Variants in TMEM43 observed in about 807,000 individuals in gnomAD.
TMEM43 encodes the protein transmembrane protein 43.
Under a neutral mutation model 49.6 loss-of-function variants are expected in TMEM43, and 45 were observed. The observed-to-expected ratio is 0.91, with a 90% CI of 0.71 to 1.16. TMEM43 has a LOEUF of 1.16. TMEM43 is among the 50% of genes most tolerant of loss of function. TMEM43 has a pLI of 0.00. For missense variants in TMEM43, 532 were observed against 516.6 expected (o/e 1.03, Z -0.29); for synonymous variants, 199 against 207.8 (o/e 0.96, Z 0.36).
chr3:14,133,134 C>T (rs1379383040), intron 6 of TMEM43, among the ~76,000 whole-genome samples, 199 bp downstream of exon 6: 3 of 152,190 alleles, frequency 2.0e-5, no homozygotes, highest in South Asian at 2.1e-4. Flanking sequence ...ACAAGCTCCC[C>T]GCAAACAAGT....
intron 10 of TMEM43, 111 bp from the exon 11 acceptor site, chr3:14,139,069 C>G (rs1216688115): frequency 2.4e-6 from 2 of 821,706 alleles, no homozygotes; most frequent in Non-Finnish European, 4.3e-6. Flanking sequence ...CTGGCCTGTT[C>G]AGAAATGGCC....
chr3:14,136,632 C>T lies in TMEM43; in HGVS notation c.882+724C>T, dbSNP rs548843409. On this transcript the variant is annotated intron_variant, in intron 10 of 11. Coordinates refer to ENST00000306077, the MANE Select transcript of TMEM43 (RefSeq NM_024334.3). ...TCCAGCAAGAACAGCCCAGTCTGGGCACGAAAGGGTTCACCTTCTAAGGGG... is the reference window on the plus strand; with the variant it reads ...TCCAGCAAGAACAGCCCAGTCTGGGTACGAAAGGGTTCACCTTCTAAGGGG... 2.0e-5 allele frequency among the ~76,000 whole-genome samples: 3 copies of T among 151,990 alleles called. No homozygotes were observed. In the East Asian group the frequency reaches 5.9e-4, roughly 30 times the overall value.
At chr3:14,128,155 G>C (rs1362556600) in intron 1 of TMEM43, among the ~76,000 whole-genome samples, 1 of 152,160 alleles carries the variant, frequency 6.6e-6, no homozygotes, top group Non-Finnish European at 1.5e-5. Flanking sequence ...GCTGGTATGT[G>C]GCAGAGCATA....
At chr3:14,128,258 A>G (rs905081492) in intron 1 of TMEM43, among the ~76,000 whole-genome samples, 5 of 152,074 alleles carry the variant, frequency 3.3e-5, no homozygotes, top group Non-Finnish European at 7.4e-5. Context: ...TGCCTCTGTT[A>G]TTGACCAAAG....
chr3:14,142,217 C>G lies in TMEM43; in HGVS notation c.*422C>G, dbSNP rs975748705. Reference sequence around the variant, plus strand: ...ACACAAGTGCCATGCTTTGCCACCACCACCAAGCACATCTGTGATCCTGAA... The same window carrying G: ...ACACAAGTGCCATGCTTTGCCACCAGCACCAAGCACATCTGTGATCCTGAA... On this transcript the variant is annotated 3_prime_UTR_variant, in exon 12 of 12. Coordinates refer to ENST00000306077, the MANE Select transcript of TMEM43 (RefSeq NM_024334.3). 2 of 237,222 alleles carry G rather than the reference C, an allele frequency of 8.4e-6. No individual in the cohort carries two copies. Among genetic ancestry groups the G allele is most frequent in the African/African-American group, 4.5e-5 (2 of 44,696 alleles). The allele number at this position is 237,222 out of a possible 1,614,324, so 14.7% of individuals were successfully genotyped here. A position where few individuals can be genotyped will look rare whatever the true frequency, so the allele number is the denominator to read the frequency against.
Position 14,136,765 on chromosome 3 carries a change from T to C in TMEM43, c.882+857T>C, listed in dbSNP as rs1695175888. On this transcript the variant is annotated intron_variant, in intron 10 of 11. Coordinates refer to ENST00000306077, the MANE Select transcript of TMEM43 (RefSeq NM_024334.3). ...AACATTAGGAGGGCGGGGAAGGGTT[T>C]TGGGCCTCAGCTACCTGAGTATCCC... Among the ~76,000 whole-genome samples the C allele has an allele frequency of 4.0e-5, 6 of 149,940 alleles. 1 individual carries two copies. In the South Asian group the frequency reaches 8.4e-4, roughly 21 times the overall value.
chr3:14,132,915 G>C lies in TMEM43; in HGVS notation c.492G>C (p.Glu164Asp), dbSNP rs949064136. The change falls in exon 6 of 12, where the codon GAG (glutamate) becomes GAC (aspartate). Residue 164 changes from glutamate (E) to aspartate (D), a missense_variant. Physicochemically the swap from Glu to Asp is conservative, Grantham distance 45. Coordinates refer to ENST00000306077, the MANE Select transcript of TMEM43 (RefSeq NM_024334.3). ...TCAACAGCAAAAACTTCGACCGAGA[G>C]ATTGGCCACAAAAACCCCAGGTGAG... ...EIINSKNFDREIGHKNPSAMA... is the reference protein window; with the variant it reads ...EIINSKNFDRDIGHKNPSAMA... 4 of 1,613,934 alleles carry C rather than the reference G, an allele frequency of 2.5e-6. No homozygotes were observed. Among genetic ancestry groups the C allele is most frequent in the Non-Finnish European group, 3.4e-6 (4 of 1,179,950 alleles).
chr3:14,133,822 C>T lies in TMEM43; in HGVS notation c.583+13C>T, dbSNP rs763598640. 6.2e-7 allele frequency: 1 copy of T among 1,613,620 alleles called. No individual in the cohort carries two copies. The highest frequency in any genetic ancestry group is 8.5e-7 in the Non-Finnish European group (1 of 1,179,492). ...TTCCTCTCGTCAGGTAAGTCTCAGG[C>T]CTCTCCAGAGGAGCTCGTGCCAGAA... On this transcript the variant is annotated intron_variant, in intron 7 of 11. Transcript: ENST00000306077.
At chr3:14,135,751 G>A (rs3796311) in intron 9 of TMEM43, 56 bp from the exon 10 acceptor site, 368,345 of 1,498,460 alleles carry the variant, frequency 0.25, 47,184 homozygotes, top group South Asian at 0.3. Context: ...CATGGCTCTC[G>A]TGGGCGTGTC....
At chr3:14,133,362 A>G (rs1695122465) in intron 6 of TMEM43, among the ~76,000 whole-genome samples, 1 of 152,126 alleles carries the variant, frequency 6.6e-6, no homozygotes, top group Non-Finnish European at 1.5e-5. Flanking sequence ...GTGGCTAGAG[A>G]GCAGGCCTTG....
In TMEM43 at chr3:14,135,801, G is replaced by A; in HGVS notation, c.781-6G>A. ...CCTCAGCTCTAACACCAGGTCCTCT[G>A]ACCAGGTCACTGTGATTGCCCGGCA... On this transcript the variant is annotated splice_region_variant and splice_polypyrimidine_tract_variant and intron_variant, in intron 9 of 11. Transcript: ENST00000306077. 1 of 1,612,550 alleles carries A rather than the reference G, an allele frequency of 6.2e-7. No homozygotes were observed. The highest frequency in any genetic ancestry group is 8.5e-7 in the Non-Finnish European group (1 of 1,179,838).
chr3:14,138,904 C>T (rs986855272), intron 10 of TMEM43, among the ~76,000 whole-genome samples: 2 of 152,212 alleles, frequency 1.3e-5, no homozygotes, highest in Non-Finnish European at 2.9e-5. Flanking sequence ...GGGTCCTGCT[C>T]ATTCCAGGTG....
At chr3:14,132,763 C>T (rs1466255321) in intron 5 of TMEM43, 103 bp from the exon 6 acceptor site, 2 of 1,409,788 alleles carry the variant, frequency 1.4e-6, no homozygotes, top group African/African-American at 1.4e-5. Flanking sequence ...TTGAGGCTCC[C>T]TGACCCACCC....
In TMEM43 at chr3:14,142,004, CA is replaced by C; in HGVS notation, c.*210del. On this transcript the variant is annotated 3_prime_UTR_variant, in exon 12 of 12. Transcript: ENST00000306077. ...CCCCACATCTCTTCTTGCCAGTAAG[CA>C]GCTTTGGTGGGCAGCAGCAGCTCAT... 1.7e-6 allele frequency: 1 copy of C among 595,958 alleles called. No homozygotes were observed. Among genetic ancestry groups the C allele is most frequent in the South Asian group, 2.0e-5 (1 of 49,300 alleles). 36.9% of individuals were successfully genotyped at this position (595,958 alleles called of 1,614,324 possible).
chr3:14,142,065 T>C lies in TMEM43; in HGVS notation c.*270T>C, dbSNP rs886058032. The C allele has an allele frequency of 1.9e-6, 1 of 517,572 alleles. No homozygotes were observed. Among genetic ancestry groups the C allele is most frequent in the Admixed American group, 3.2e-5 (1 of 31,272 alleles). 32.1% of individuals were successfully genotyped at this position (517,572 alleles called of 1,614,324 possible). A position where few individuals can be genotyped will look rare whatever the true frequency, so the allele number is the denominator to read the frequency against. On this transcript the variant is annotated 3_prime_UTR_variant, in exon 12 of 12. Coordinates refer to ENST00000306077, the MANE Select transcript of TMEM43 (RefSeq NM_024334.3). The stretch of plus-strand genomic sequence containing the variant: ...GCTGACAGCTTCTCCTGCTGTTTCC[T>C]TCCTCTCTTGGACTGAGTGGGTACG...
chr3:14,134,692 A>C (rs1461284567), intron 7 of TMEM43, 78 bp from the exon 8 acceptor site: 20 of 1,598,734 alleles, frequency 1.3e-5, no homozygotes, highest in Non-Finnish European at 1.7e-5. Context: ...GTGCAGTGGA[A>C]GGGGGTCAGG....
intron 10 of TMEM43, chr3:14,138,118 C>T (rs537808291): frequency 7.9e-5 from 12 of 152,276 alleles, no homozygotes; most frequent in South Asian, 6.2e-4. Flanking sequence ...ATCAGAGGGT[C>T]AGGGAAAGCC....
At position 14,132,865 on chromosome 3, in the gene TMEM43, G is replaced by A; in HGVS notation, c.443-1G>A. The stretch of plus-strand genomic sequence containing the variant: ...CTGAGTTGATTCCTCTCCCTGAGCA[G>A]ACACTGAATGGAGGTCAGAAATCAT... On this transcript the variant is annotated splice_acceptor_variant, in intron 5 of 11. Coordinates refer to ENST00000306077, the MANE Select transcript of TMEM43 (RefSeq NM_024334.3). LOFTEE classifies it high-confidence loss of function. 6.2e-7 allele frequency: 1 copy of A among 1,614,006 alleles called. No individual in the cohort carries two copies. The highest frequency in any genetic ancestry group is 1.1e-5 in the South Asian group (1 of 90,990).
chr3:14,132,618 G>C (rs917618583), intron 5 of TMEM43, 23 bp downstream of exon 5: 1 of 1,613,702 alleles, frequency 6.2e-7, no homozygotes, highest in African/African-American at 1.3e-5. Context: ...CCCCTTACGT[G>C]GTCTCTGCCC....
Sources: gnomAD v4.1 joint callset for allele counts (sites outside exome capture counted in the v4.1 genomes callset) on GRCh38, gnomAD v4.1.1 for gene constraint, MANE v1.5 for transcripts, NCBI Gene and HGNC (gene_info 2026-07-23, HGNC 2026-07-21) for gene names.